Variants in PDE4D observed in about 807,000 individuals in gnomAD.
PDE4D encodes the protein 3',5'-cyclic-AMP phosphodiesterase 4D.
Under a neutral mutation model 87.4 loss-of-function variants are expected in PDE4D, and 24 were observed. That is an observed-to-expected ratio of 0.27 (90% CI 0.20 to 0.39). PDE4D has a LOEUF of 0.39. Ranked by LOEUF, PDE4D falls within the 10% of genes least tolerant of loss-of-function variation. The pLI is 1.00. For missense variants in PDE4D, 714 were observed against 1,041.0 expected, an observed-to-expected ratio of 0.69 and a Z score of 4.32; for synonymous variants, 384 against 383.2, an observed-to-expected ratio of 1.00 and a Z score of -0.02.
intron 1 of PDE4D, among the ~76,000 whole-genome samples, chr5:60,298,599 T>C (rs1287424200): frequency 6.6e-6 from 1 of 152,198 alleles, no homozygotes; most frequent in Non-Finnish European, 1.5e-5. Flanking sequence ...ATCCCTTAAC[T>C]TCCTTCTGTG....
chr5:60,245,931 A>C (rs1369272752), intron 1 of PDE4D, among the ~76,000 whole-genome samples: 1 of 151,956 alleles, frequency 6.6e-6, no homozygotes, highest in African/African-American at 2.4e-5. Context: ...AAAGAGTATA[A>C]TTGGATTGTT....
At chr5:59,957,980 GGGGAAT>G (rs1759036838) in intron 3 of PDE4D, among the ~76,000 whole-genome samples, 1 of 152,090 alleles carries the variant, frequency 6.6e-6, no homozygotes, top group Admixed American at 6.6e-5. Flanking sequence ...TAGGCAACTT[GGGGAAT>G]GCTTTTTTGA....
intron 1 of PDE4D, among the ~76,000 whole-genome samples, chr5:60,503,883 G>T (rs778340063): frequency 1.3e-5 from 2 of 152,074 alleles, no homozygotes; most frequent in Non-Finnish European, 2.9e-5. Context: ...AAATTCCAAA[G>T]ATATGAAAGA....
chr5:59,901,675 C>T (rs1163998089), intron 3 of PDE4D, among the ~76,000 whole-genome samples: 1 of 151,952 alleles, frequency 6.6e-6, no homozygotes, highest in Non-Finnish European at 1.5e-5. Context: ...AAAAAATTGA[C>T]CAATCTCATT....
chr5:59,581,577 G>A (rs970047950), intron 1 of PDE4D, among the ~76,000 whole-genome samples: 2 of 152,098 alleles, frequency 1.3e-5, no homozygotes, highest in African/African-American at 4.8e-5. Flanking sequence ...ACCTCACAGC[G>A]ATTTAAAGTG....
chr5:59,993,249 A>G (rs1763190188), intron 2 of PDE4D, among the ~76,000 whole-genome samples: 1 of 152,208 alleles, frequency 6.6e-6, no homozygotes, highest in Admixed American at 6.5e-5. Context: ...GTATCATTCC[A>G]GTGCATATTA....
chr5:60,244,682 A>G (rs143938443), intron 1 of PDE4D, among the ~76,000 whole-genome samples: 508 of 152,164 alleles, frequency 3.3e-3, no homozygotes, highest in Middle Eastern at 0.017. Context: ...CAACAATGCC[A>G]AGAACATACA....
intron 1 of PDE4D, among the ~76,000 whole-genome samples, chr5:59,479,832 T>C (rs1370917927): frequency 1.3e-5 from 2 of 152,218 alleles, no homozygotes; most frequent in South Asian, 2.1e-4. Context: ...GACAATGTCA[T>C]GAAAAGAAGT....
At chr5:60,441,832 G>C (rs1038522906) in intron 1 of PDE4D, among the ~76,000 whole-genome samples, 1 of 151,518 alleles carries the variant, frequency 6.6e-6, no homozygotes, top group Non-Finnish European at 1.5e-5. Context: ...GCAAACGTAT[G>C]AAAAAAAAGC....
chr5:59,867,035 T>G (rs1476691563), intron 1 of PDE4D, among the ~76,000 whole-genome samples: 1 of 152,204 alleles, frequency 6.6e-6, no homozygotes, highest in African/African-American at 2.4e-5. Context: ...CTGTTTCCAC[T>G]TTTTGAAGAT....
intron 1 of PDE4D, among the ~76,000 whole-genome samples, chr5:60,416,728 A>C (rs1742619215): frequency 6.6e-6 from 1 of 152,222 alleles, no homozygotes; most frequent in South Asian, 2.1e-4. Context: ...AATTCTGGAC[A>C]CACTATCATA....
At chr5:59,696,670 GC>G (rs1343637032) in intron 1 of PDE4D, among the ~76,000 whole-genome samples, 1 of 152,096 alleles carries the variant, frequency 6.6e-6, no homozygotes, top group African/African-American at 2.4e-5. Flanking sequence ...ATACAATAGA[GC>G]AAAAAACTGC....
intron 3 of PDE4D, among the ~76,000 whole-genome samples, chr5:59,943,106 G>C (rs1340086069): frequency 2.0e-5 from 3 of 152,202 alleles, no homozygotes; most frequent in Non-Finnish European, 2.9e-5. Flanking sequence ...GAAGACACTT[G>C]AATGTATTTT....
chr5:59,048,286 A>G (rs143830314), intron 5 of PDE4D, among the ~76,000 whole-genome samples: 273 of 152,276 alleles, frequency 1.8e-3, no homozygotes, highest in African/African-American at 6.4e-3. Flanking sequence ...TAATTTTAGG[A>G]ATCAATTTTA....
intron 1 of PDE4D, among the ~76,000 whole-genome samples, chr5:60,422,887 T>C (rs1265959542): frequency 6.6e-6 from 1 of 151,996 alleles, no homozygotes; most frequent in Non-Finnish European, 1.5e-5. Flanking sequence ...GAAGCAGGGG[T>C]TGCAATCCTG....
intron 1 of PDE4D, among the ~76,000 whole-genome samples, chr5:59,320,995 C>T (rs562501983): frequency 6.9e-4 from 105 of 152,152 alleles, no homozygotes; most frequent in African/African-American, 2.3e-3. Context: ...TTTCTAAAGT[C>T]GGTTGCTCTA....
chr5:59,757,329 T>C (rs1230085731), intron 1 of PDE4D, among the ~76,000 whole-genome samples: 1 of 152,218 alleles, frequency 6.6e-6, no homozygotes, highest in Non-Finnish European at 1.5e-5. Context: ...TTGTTTGCTC[T>C]TATTAAAGCT....
chr5:59,913,218 A>G (rs1170051271), intron 3 of PDE4D, among the ~76,000 whole-genome samples: 1 of 152,208 alleles, frequency 6.6e-6, no homozygotes, highest in African/African-American at 2.4e-5. Flanking sequence ...ATTATTATAT[A>G]CTAAAAAAAT....
rs2153338240 is a variant in PDE4D, at chr5:58,989,775, A to G, written c.1432T>C (p.Leu478=). The G allele has an allele frequency of 1.2e-6, 2 of 1,605,948 alleles. No individual in the cohort carries two copies. Among genetic ancestry groups the G allele is most frequent in the East Asian group, 4.5e-5 (2 of 44,590 alleles). ...TTTACCTCCAAAGCAGGTGTAGATA[A>G]TAGCACATGAGTAGACTGGACAACA... The part of the protein sequence containing the change: ...ADVVQSTHVL[L]STPALEAVFT... The change falls in exon 10 of 15, where the codon TTA becomes CTA. Residue 478 remains leucine (L), a synonymous_variant. Transcript: ENST00000340635.
Sources: gnomAD v4.1 joint callset for allele counts (sites outside exome capture counted in the v4.1 genomes callset) on GRCh38, gnomAD v4.1.1 for gene constraint, MANE v1.5 for transcripts, NCBI Gene and HGNC (gene_info 2026-07-23, HGNC 2026-07-21) for gene names.